The following DOCK4 variants were observed in gnomAD, a reference collection of about 807,000 sequenced individuals.
DOCK4 encodes the protein dedicator of cytokinesis 4, also known as dedicator of cytokinesis protein 4.
DOCK4 carries 97 observed loss-of-function variants against 268.1 expected under a neutral mutation model. That is an observed-to-expected ratio of 0.36 (90% CI 0.31 to 0.43). DOCK4 has a LOEUF of 0.43. DOCK4 is among the 20% of genes least tolerant of loss of function. The pLI, the probability that DOCK4 is intolerant of heterozygous loss-of-function variation, is 1.00. For synonymous variants in DOCK4, 954 were observed against 887.2 expected (o/e 1.08, Z -1.34); for missense variants, 2,145 against 2,455.7 (o/e 0.87, Z 2.67).
chr7:111,739,077 G>T, intron 49 of DOCK4, 57 bp downstream of exon 49: 1 of 1,473,408 alleles, frequency 6.8e-7, no homozygotes, highest in Non-Finnish European at 9.5e-7. Flanking sequence ...TGCAGAGATA[G>T]GTAAGCAATT....
chr7:111,961,317 G>C (rs1217914805), intron 8 of DOCK4, among the ~76,000 whole-genome samples: 7 of 152,106 alleles, frequency 4.6e-5, no homozygotes, highest in Non-Finnish European at 1.0e-4. Context: ...TCCTTCACTT[G>C]TGTCTGGATC....
intron 20 of DOCK4, among the ~76,000 whole-genome samples, chr7:111,870,148 T>C (rs1177137334): frequency 1.3e-5 from 2 of 152,084 alleles, no homozygotes; most frequent in South Asian, 2.1e-4. Context: ...TTCTGACCCA[T>C]GAGAAGAACC....
At chr7:111,768,937 G>A (rs905640686) in intron 37 of DOCK4, among the ~76,000 whole-genome samples, 1 of 152,028 alleles carries the variant, frequency 6.6e-6, no homozygotes, top group Non-Finnish European at 1.5e-5. Context: ...GGGGTCTTTG[G>A]AAGTGATTAG....
intron 35 of DOCK4, among the ~76,000 whole-genome samples, chr7:111,780,047 A>T (rs1476252772): frequency 6.6e-6 from 1 of 152,216 alleles, no homozygotes. Context: ...AAGGCCAGGA[A>T]TTCTAAAAAC....
In DOCK4 at chr7:111,790,601, C is replaced by A. The variant is rs1799461636; in HGVS notation, c.3171G>T (p.Glu1057Asp). ...GGGCAGGGATAAAATGAAGCTTGTGCTCTCCTAAAGTGAGAAAAATATTTG... is the reference window on the plus strand; with the variant it reads ...GGGCAGGGATAAAATGAAGCTTGTGATCTCCTAAAGTGAGAAAAATATTTG... ...EIFSMWQNLG[E>D]HKLHFIPALI... Residue 1057 changes from glutamate to aspartate, a missense_variant, in exon 31 of 53, where the codon GAG becomes GAT. Transcript: ENST00000428084. The A allele has an allele frequency of 6.2e-7, 1 of 1,611,068 alleles. No individual in the cohort carries two copies. Among genetic ancestry groups the A allele is most frequent in the South Asian group, 1.1e-5 (1 of 90,468 alleles).
At chr7:111,983,503 G>C (rs547753838) in intron 7 of DOCK4, among the ~76,000 whole-genome samples, 1 of 151,956 alleles carries the variant, frequency 6.6e-6, no homozygotes, top group Admixed American at 6.6e-5. Flanking sequence ...CTCTGATTTT[G>C]GATTTTCAGA....
Position 111,809,269 on chromosome 7 carries a change from C to T in DOCK4, c.3107+32G>A, listed in dbSNP as rs746873195. The T allele has an allele frequency of 2.2e-5, 33 of 1,480,654 alleles. 1 individual carries two copies. In the Middle Eastern group the frequency reaches 6.8e-4, roughly 31 times the overall value. 91.7% of individuals were successfully genotyped at this position (1,480,654 alleles called of 1,614,324 possible). ...GAACTAAATACTCTTTAAGAGGCAA[C>T]ATTTCTCACCTGATTATACACTGAT... On this transcript the variant is annotated intron_variant, in intron 29 of 52. Transcript: ENST00000428084.
chr7:111,741,444 C>G, intron 46 of DOCK4, 96 bp downstream of exon 46: 2 of 1,515,394 alleles, frequency 1.3e-6, no homozygotes, highest in Non-Finnish European at 1.8e-6. Context: ...TAAGAAATAG[C>G]GTATTTGACA....
intron 1 of DOCK4, among the ~76,000 whole-genome samples, chr7:112,120,013 A>G (rs577112585): frequency 9.9e-5 from 15 of 152,130 alleles, no homozygotes; most frequent in African/African-American, 3.6e-4. Context: ...ACAACAGGCT[A>G]ATCTTTTGTA....
At chr7:111,874,476 T>C (rs1806678314) in intron 17 of DOCK4, among the ~76,000 whole-genome samples, 1 of 152,206 alleles carries the variant, frequency 6.6e-6, no homozygotes, top group Non-Finnish European at 1.5e-5. Flanking sequence ...ATCTCTACAC[T>C]GCTCATGATG....
At chr7:111,979,697 T>C (rs6466393) in intron 7 of DOCK4, among the ~76,000 whole-genome samples, 42,016 of 152,010 alleles carry the variant, frequency 0.28, 6,940 homozygotes, top group African/African-American at 0.46. Context: ...GCTACAGAAA[T>C]AGATGTAAAA....
chr7:111,970,362 C>T (rs1469036602), intron 8 of DOCK4, among the ~76,000 whole-genome samples: 2 of 151,966 alleles, frequency 1.3e-5, no homozygotes, highest in Non-Finnish European at 2.9e-5. Flanking sequence ...GTTTCCCCAT[C>T]TATAAAAATG....
chr7:112,108,876 T>C (rs1026218792), intron 1 of DOCK4, among the ~76,000 whole-genome samples: 4 of 152,156 alleles, frequency 2.6e-5, no homozygotes, highest in African/African-American at 7.2e-5. Flanking sequence ...AAGTAGAATG[T>C]AGGGGATTTT....
At chr7:112,134,359 G>T (rs962997816) in intron 1 of DOCK4, among the ~76,000 whole-genome samples, 1 of 152,162 alleles carries the variant, frequency 6.6e-6, no homozygotes, top group Non-Finnish European at 1.5e-5. Context: ...AATATGGCAG[G>T]TTGACCCAAT....
intron 1 of DOCK4, among the ~76,000 whole-genome samples, chr7:112,194,537 T>C (rs1820249492): frequency 6.6e-6 from 1 of 152,220 alleles, no homozygotes; most frequent in Admixed American, 6.5e-5. Context: ...AACACAGTAC[T>C]TTCTGCACAT....
chr7:112,001,986 C>G (rs1800462395), intron 2 of DOCK4, among the ~76,000 whole-genome samples: 3 of 151,976 alleles, frequency 2.0e-5, no homozygotes, highest in Admixed American at 2.0e-4. Flanking sequence ...GTGTAAAGAC[C>G]ATTTTGCTCA....
chr7:112,131,269 T>C (rs1813771004), intron 1 of DOCK4, among the ~76,000 whole-genome samples: 1 of 152,106 alleles, frequency 6.6e-6, no homozygotes, highest in African/African-American at 2.4e-5. Flanking sequence ...AATCACTCCA[T>C]GGTGACTACA....
intron 1 of DOCK4, among the ~76,000 whole-genome samples, chr7:112,128,840 G>A (rs369588574): frequency 1.6e-4 from 25 of 152,038 alleles, no homozygotes; most frequent in South Asian, 2.1e-4. Context: ...TTTATCTGCT[G>A]ACCTTCCCTC....
chr7:111,904,841 T>C (rs530061389), intron 13 of DOCK4, among the ~76,000 whole-genome samples: 1 of 152,284 alleles, frequency 6.6e-6, no homozygotes, highest in South Asian at 2.1e-4. Flanking sequence ...TACTTTGTTA[T>C]ATTATGCTGT....
Sources: gnomAD v4.1 joint callset for allele counts (sites outside exome capture counted in the v4.1 genomes callset) on GRCh38, gnomAD v4.1.1 for gene constraint, MANE v1.5 for transcripts, NCBI Gene and HGNC (gene_info 2026-07-23, HGNC 2026-07-21) for gene names.